Variants in NCOR1 observed in about 807,000 individuals in gnomAD.
NCOR1 encodes nuclear receptor corepressor 1, also known as protein phosphatase 1, regulatory subunit 109.
In NCOR1, 63 loss-of-function variants were observed where a neutral mutation model predicts 288.1. The observed-to-expected ratio is 0.22, with a 90% CI of 0.18 to 0.27. The LOEUF (loss-of-function observed/expected upper bound fraction) is 0.27, where lower values mean the gene tolerates loss of function less well. Ranked by LOEUF, NCOR1 falls within the 10% of genes least tolerant of loss-of-function variation. The pLI is 1.00. For synonymous variants in NCOR1, 1,007 were observed against 1,065.9 expected (o/e 0.94, Z 1.08); for missense variants, 2,397 against 3,019.2 (o/e 0.79, Z 4.83).
intron 14 of NCOR1, among the ~76,000 whole-genome samples, chr17:16,129,376 C>T (rs1370537589): frequency 6.6e-6 from 1 of 152,220 alleles, no homozygotes; most frequent in East Asian, 1.9e-4. Flanking sequence ...AGAACTGTAC[C>T]TACTATTCTA....
intron 30 of NCOR1, among the ~76,000 whole-genome samples, 197 bp downstream of exon 30, chr17:16,071,212 A>C (rs566006042): frequency 1.3e-5 from 2 of 152,142 alleles, no homozygotes; most frequent in East Asian, 1.9e-4. Context: ...CAGGAGGTCA[A>C]GGCTATATAG....
Position 16,158,967 on chromosome 17 carries a change from C to T in NCOR1, c.619-94G>A. 4 of 723,420 alleles carry T rather than the reference C, an allele frequency of 5.5e-6. No individual in the cohort carries two copies. The Admixed American group carries it at 8.1e-5, about 15-fold the overall frequency. The allele number at this position is 723,420 out of a possible 1,614,324, so 44.8% of individuals were successfully genotyped here. The stretch of plus-strand genomic sequence containing the variant: ...AGATAACACAGGCTACTAAGCTTTG[C>T]TTGCAGATTCTGTAGGGTAACCAAT... On this transcript the variant is annotated intron_variant, in intron 5 of 45. Transcript: ENST00000268712.
intron 14 of NCOR1, among the ~76,000 whole-genome samples, chr17:16,126,689 G>C (rs1462638677): frequency 3.9e-5 from 6 of 152,096 alleles, no homozygotes; most frequent in African/African-American, 1.4e-4. Context: ...AAACAGCTAT[G>C]GTCGTTACTA....
At chr17:16,188,765 T>C (rs193042263) in intron 2 of NCOR1, among the ~76,000 whole-genome samples, 168 of 150,070 alleles carry the variant, frequency 1.1e-3, no homozygotes, top group African/African-American at 3.9e-3. Context: ...TGGCTCACAC[T>C]TGTAATCCCA....
intron 26 of NCOR1, among the ~76,000 whole-genome samples, chr17:16,077,265 C>A (rs1348953927): frequency 7.5e-6 from 1 of 132,496 alleles, no homozygotes; most frequent in Non-Finnish European, 1.8e-5. Context: ...GGCACGGCTG[C>A]GCACACCTGT....
rs1971841716 is a variant in NCOR1 at position 16,030,751 on chromosome 17, C to G, written c.*1545G>C. Reference sequence around the variant, plus strand: ...TGGCCTATCTCTGTCACTAATTTAACTATATGGGCAAAGTACTAAACCTGT... The same window carrying G: ...TGGCCTATCTCTGTCACTAATTTAAGTATATGGGCAAAGTACTAAACCTGT... On this transcript the variant is annotated 3_prime_UTR_variant, in exon 46 of 46. Coordinates refer to ENST00000268712, the MANE Select transcript of NCOR1 (RefSeq NM_006311.4). 1 of 179,532 alleles carries G rather than the reference C, an allele frequency of 5.6e-6. No individual in the cohort carries two copies. The highest frequency in any genetic ancestry group is 2.0e-4 in the South Asian group (1 of 5,064). 11.1% of individuals were successfully genotyped at this position (179,532 alleles called of 1,614,324 possible). A position where few individuals can be genotyped will look rare whatever the true frequency, so the allele number is the denominator to read the frequency against.
intron 9 of NCOR1, among the ~76,000 whole-genome samples, chr17:16,147,876 T>G (rs1358374957): frequency 6.6e-6 from 1 of 152,206 alleles, no homozygotes; most frequent in Non-Finnish European, 1.5e-5. Flanking sequence ...TGGAGTGCAG[T>G]GGCGCGATCT....
Position 16,058,471 on chromosome 17 carries a change from T to C in NCOR1, c.6010A>G (p.Asn2004Asp). 6.2e-7 allele frequency: 1 copy of C among 1,611,756 alleles called. No homozygotes were observed. The change falls in exon 38 of 46, where the codon AAT becomes GAT. Residue 2004 changes from asparagine to aspartate, a missense_variant and splice_region_variant. This residue lies in a region of NCOR1 where 1,872 missense variants were observed against 2,187.8 expected (regional missense o/e 0.86). Coordinates refer to ENST00000268712, the MANE Select transcript of NCOR1 (RefSeq NM_006311.4). Reference sequence around the variant, plus strand: ...TAAATGGTAGCTTAAGAAGACATACTTTCCGCTTGATTTGCCTTAACAACC... The same window carrying C: ...TAAATGGTAGCTTAAGAAGACATACCTTCCGCTTGATTTGCCTTAACAACC... Reference protein sequence around the residue: ...PEVVKANQAENDPTRQYEGPL... With the variant: ...PEVVKANQAEDDPTRQYEGPL...
chr17:16,097,902 C>G (rs982098141), intron 21 of NCOR1, among the ~76,000 whole-genome samples: 1 of 152,050 alleles, frequency 6.6e-6, no homozygotes, highest in African/African-American at 2.4e-5. Flanking sequence ...GATGATTACG[C>G]CAGGTAGTTG....
intron 42 of NCOR1, chr17:16,041,258 A>C (rs2057510368): frequency 6.6e-6 from 1 of 152,250 alleles, no homozygotes; most frequent in Non-Finnish European, 1.5e-5. Context: ...CCTATAATAA[A>C]GCAGTGTGCC....
chr17:16,124,743 CAACA>C (rs2073696402), intron 15 of NCOR1, among the ~76,000 whole-genome samples: 1 of 152,134 alleles, frequency 6.6e-6, no homozygotes, highest in African/African-American at 2.4e-5. Context: ...ACAGCAGTAA[CAACA>C]AACAAACCCA....
At chr17:16,079,809 G>A (rs146121119) in intron 26 of NCOR1, among the ~76,000 whole-genome samples, 155 bp downstream of exon 26, 20 of 152,216 alleles carry the variant, frequency 1.3e-4, no homozygotes, top group African/African-American at 4.1e-4. Context: ...TCACATTAAC[G>A]TCTCTGTGGA....
intron 37 of NCOR1, among the ~76,000 whole-genome samples, chr17:16,061,016 A>G (rs2060494818): frequency 3.3e-5 from 5 of 152,188 alleles, no homozygotes; most frequent in South Asian, 2.1e-4. Context: ...TAGAAAAAGG[A>G]TATTAGAGGC....
At chr17:16,203,543 A>C (rs2091125520) in intron 1 of NCOR1, among the ~76,000 whole-genome samples, 1 of 152,202 alleles carries the variant, frequency 6.6e-6, no homozygotes, top group Admixed American at 6.5e-5. Flanking sequence ...GTAAGCTCCC[A>C]CAAGTTACTC....
chr17:16,204,048 T>A (rs1386674297), intron 1 of NCOR1, among the ~76,000 whole-genome samples: 1 of 152,190 alleles, frequency 6.6e-6, no homozygotes, highest in Admixed American at 6.5e-5. Context: ...TAACCCCATC[T>A]GTATTAAAAT....
At chr17:16,195,198 G>A (rs2089494229) in intron 1 of NCOR1, among the ~76,000 whole-genome samples, 1 of 152,166 alleles carries the variant, frequency 6.6e-6, no homozygotes, top group Non-Finnish European at 1.5e-5. Flanking sequence ...AAGGCCAGGA[G>A]CGGTGGCTAC....
At chr17:16,113,411 A>G (rs895475292) in intron 18 of NCOR1, among the ~76,000 whole-genome samples, 2 of 152,214 alleles carry the variant, frequency 1.3e-5, no homozygotes, top group African/African-American at 4.8e-5. Flanking sequence ...TGGTTGAAGT[A>G]TAAGAAAACA....
At position 16,061,650 on chromosome 17, in the gene NCOR1, C is replaced by T. The variant is rs202104761; in HGVS notation, c.5632G>A (p.Val1878Ile). Residue 1878 changes from valine (V) to isoleucine (I), a missense_variant, in exon 37 of 46, where the codon GTT becomes ATT. Physicochemically the swap from Val to Ile is conservative, Grantham distance 29 (BLOSUM62 3). This residue lies in a region of NCOR1 where 1,872 missense variants were observed against 2,187.8 expected (regional missense o/e 0.86). Coordinates refer to ENST00000268712, the MANE Select transcript of NCOR1 (RefSeq NM_006311.4). ...QKTLEVEKRS[V>I]QCLYTSSAFP... ...GCTGAAGAAGTGTATAAACACTGAA[C>T]AGATCTCTTCTCCACCTCCAGGGTT... 610 of 1,614,124 alleles carry T rather than the reference C, an allele frequency of 3.8e-4. 1 individual carries two copies. The highest frequency in any genetic ancestry group is 4.2e-4 in the Non-Finnish European group (498 of 1,180,054).
At position 16,070,514 on chromosome 17, in the gene NCOR1, T is replaced by C. The variant is rs199954751; in HGVS notation, c.4164A>G (p.Ile1388Met). The C allele has an allele frequency of 1.1e-5, 17 of 1,613,886 alleles. No homozygotes were observed. The East Asian group carries it at 3.8e-4, about 36-fold the overall frequency. The change falls in exon 31 of 46, where the codon ATA becomes ATG. Residue 1388 changes from isoleucine to methionine, a missense_variant. Coordinates refer to ENST00000268712, the MANE Select transcript of NCOR1 (RefSeq NM_006311.4). Reference protein sequence around the residue: ...IEGSISQGTPIKFDNNSGQSA... With the variant: ...IEGSISQGTPMKFDNNSGQSA... ...ATTGACCTGAGTTGTTGTCAAACTT[T>C]ATTGGTGTGCCCTAAAGGGAAAGAA... is the stretch of plus-strand genomic sequence containing the variant.
Sources: gnomAD v4.1 joint callset for allele counts (sites outside exome capture counted in the v4.1 genomes callset) on GRCh38, gnomAD v4.1.1 for gene constraint, gnomAD v4.1.1 regional missense constraint, MANE v1.5 for transcripts, NCBI Gene and HGNC (gene_info 2026-07-23, HGNC 2026-07-21) for gene names.